MEI1: variants seen among roughly 807,000 people sequenced by gnomAD.
The protein encoded by MEI1 is meiosis inhibitor protein 1.
MEI1 carries 103 observed loss-of-function variants against 146.2 expected under a neutral mutation model. That is an observed-to-expected ratio of 0.70 (90% confidence interval 0.60 to 0.83). The LOEUF (loss-of-function observed/expected upper bound fraction) is 0.83, where lower values mean the gene tolerates loss of function less well. MEI1 is among the 40% of genes least tolerant of loss of function. The pLI, the probability that MEI1 is intolerant of heterozygous loss-of-function variation, is 0.00. For synonymous variants in MEI1, 652 were observed against 628.2 expected (o/e 1.04, Z -0.57); for missense variants, 1,529 against 1,533.0 (o/e 1.00, Z 0.04).
intron 11 of MEI1, among the ~76,000 whole-genome samples, chr22:41,737,151 A>C (rs574202504): frequency 6.6e-6 from 1 of 152,276 alleles, no homozygotes; most frequent in Admixed American, 6.5e-5. Context: ...CGTTTTTCTT[A>C]TCATTCAAGT....
intron 15 of MEI1, among the ~76,000 whole-genome samples, chr22:41,750,573 T>G (rs1190447874): frequency 6.6e-6 from 1 of 151,860 alleles, no homozygotes; most frequent in African/African-American, 2.4e-5. Flanking sequence ...AGGTGAGAAA[T>G]GGGGGTGTGA....
intron 1 of MEI1, among the ~76,000 whole-genome samples, chr22:41,701,907 G>C (rs1429745828): frequency 1.3e-5 from 2 of 152,196 alleles, no homozygotes; most frequent in African/African-American, 4.8e-5. Context: ...TGAAGGGAAA[G>C]TGAAAGAGAT....
At chr22:41,793,433 C>CT (rs2076261778) in intron 26 of MEI1, among the ~76,000 whole-genome samples, 1 of 152,182 alleles carries the variant, frequency 6.6e-6, no homozygotes. Context: ...TCCTCAGTAG[C>CT]TGGGACTACA....
intron 3 of MEI1, 140 bp downstream of exon 3, chr22:41,705,694 A>T (rs111861246): frequency 7.5e-6 from 5 of 668,370 alleles, no homozygotes; most frequent in Non-Finnish European, 1.3e-5. Context: ...CACTAATTCA[A>T]CATTTGTTTT....
chr22:41,793,394 C>T (rs563352878), intron 26 of MEI1, among the ~76,000 whole-genome samples: 10 of 152,148 alleles, frequency 6.6e-5, no homozygotes, highest in African/African-American at 2.4e-4. Context: ...CTCCGCCTCC[C>T]GGGTTCAATC....
rs371237631 is a variant in MEI1 at position 41,709,909 on chromosome 22, A to G, written c.350-4093A>G. ...TGGAAGCATTCTTTCCTTAGGAACT[A>G]AGATCTTTAGCAGAGCCCAAAGTTG... On this transcript the variant is annotated intron_variant, in intron 3 of 30. Transcript: ENST00000401548. Among the ~76,000 whole-genome samples the G allele has an allele frequency of 1.6e-4, 24 of 152,232 alleles. No homozygotes were observed. The East Asian group carries it at 2.5e-3, about 16-fold the overall frequency.
rs2074618437 is a variant in MEI1 at position 41,763,224 on chromosome 22, C to CG, written c.2172dup (p.Leu725AlafsTer32). 4 of 1,613,780 alleles carry CG rather than the reference C, an allele frequency of 2.5e-6. No individual in the cohort carries two copies. The stretch of plus-strand genomic sequence containing the variant: ...GAGGCTGTGCAAAGCTTCCTCCTGT[C>CG]GCTGCAGGACCAGGGCGAGCGCCCC... On this transcript the variant is annotated frameshift_variant, in exon 19 of 31. Coordinates refer to ENST00000401548, the MANE Select transcript of MEI1 (RefSeq NM_152513.4). LOFTEE classifies it high-confidence loss of function.
At chr22:41,725,877 G>A (rs1220731941) in intron 7 of MEI1, among the ~76,000 whole-genome samples, 3 of 152,190 alleles carry the variant, frequency 2.0e-5, no homozygotes, top group East Asian at 1.9e-4. Flanking sequence ...CCCAGTGCTC[G>A]GCACGGGGGC....
At chr22:41,722,010 C>T (rs997587002) in intron 6 of MEI1, 10 of 144,348 alleles carry the variant, frequency 6.9e-5, no homozygotes, top group African/African-American at 2.5e-4. Flanking sequence ...TGAGCCACCG[C>T]GGCCAGCCTC....
chr22:41,723,021 T>G (rs2071003842), intron 6 of MEI1, among the ~76,000 whole-genome samples: 1 of 152,222 alleles, frequency 6.6e-6, no homozygotes, highest in African/African-American at 2.4e-5. Flanking sequence ...AATGTTGTTC[T>G]CTGTATCTGG....
chr22:41,711,978 G>C (rs894084725), intron 3 of MEI1, among the ~76,000 whole-genome samples: 2 of 151,628 alleles, frequency 1.3e-5, no homozygotes, highest in Non-Finnish European at 2.9e-5. Flanking sequence ...AAGGCGGGCG[G>C]ATCACCTGAG....
chr22:41,777,696 A>G (rs1484830867), intron 21 of MEI1, among the ~76,000 whole-genome samples: 4 of 152,192 alleles, frequency 2.6e-5, no homozygotes, highest in Non-Finnish European at 5.9e-5. Flanking sequence ...TGGGTGACTT[A>G]TAAACAACAG....
intron 26 of MEI1, among the ~76,000 whole-genome samples, chr22:41,785,922 T>TTTC: frequency 1.4e-5 from 2 of 141,832 alleles, no homozygotes; most frequent in Admixed American, 7.4e-5. Flanking sequence ...TTTATTTTTT[T>TTTC]TTTTTTGAGA....
Position 41,715,486 on chromosome 22 carries a change from C to T in MEI1, c.424-555C>T, listed in dbSNP as rs1249208803. ...TCTTGGCTCACTGCAAGCTCCGCCT[C>T]CCGGGTTCACGCCATTCTCCTGCCT... On this transcript the variant is annotated intron_variant, in intron 4 of 30. Coordinates refer to ENST00000401548, the MANE Select transcript of MEI1 (RefSeq NM_152513.4). Among the ~76,000 whole-genome samples the T allele has an allele frequency of 2.0e-5, 3 of 151,638 alleles. No homozygotes were observed. The East Asian group carries it at 5.8e-4, about 29-fold the overall frequency.
chr22:41,780,735 C>A (rs1314671311), intron 22 of MEI1, among the ~76,000 whole-genome samples: 1 of 152,038 alleles, frequency 6.6e-6, no homozygotes, highest in Non-Finnish European at 1.5e-5. Context: ...TGTGTGCCAC[C>A]ATGCCCAGCT....
At chr22:41,700,074 C>CTCAGGCTCCCGCCATT (rs1569127707) in intron 1 of MEI1, among the ~76,000 whole-genome samples, 1 of 152,218 alleles carries the variant, frequency 6.6e-6, no homozygotes. Flanking sequence ...TCGGCCTTAG[C>CTCAGGCTCCCGCCATT]TCAGGCTCCC....
Position 41,709,615 on chromosome 22 carries a change from C to CT in MEI1, c.349+4070dup, listed in dbSNP as rs367897397. ...AGGTCTGAATCTTCAGTGGCTCTTC[C>CT]TTTTTTTTTGGTTGCTGATGTTTTT... is the stretch of plus-strand genomic sequence containing the variant. On this transcript the variant is annotated intron_variant, in intron 3 of 30. Coordinates refer to ENST00000401548, the MANE Select transcript of MEI1 (RefSeq NM_152513.4). The CT allele has an allele frequency of 1.3e-3, 502 of 384,328 alleles. 3 individuals are homozygous for CT. The highest frequency in any genetic ancestry group is 4.9e-3 in the African/African-American group (228 of 46,766). 23.8% of individuals were successfully genotyped at this position (384,328 alleles called of 1,614,324 possible). A position where few individuals can be genotyped will look rare whatever the true frequency, so the allele number is the denominator to read the frequency against.
At chr22:41,731,842 C>G (rs1293513102) in intron 9 of MEI1, among the ~76,000 whole-genome samples, 1 of 152,114 alleles carries the variant, frequency 6.6e-6, no homozygotes, top group Non-Finnish European at 1.5e-5. Flanking sequence ...TAGAGCTCTG[C>G]TAGAGGGAAG....
intron 15 of MEI1, among the ~76,000 whole-genome samples, chr22:41,752,006 G>A (rs1387246538): frequency 1.3e-5 from 2 of 151,866 alleles, no homozygotes; most frequent in Non-Finnish European, 2.9e-5. Flanking sequence ...GGAGGTGGAG[G>A]TTGCAGTGAG....
Sources: gnomAD v4.1 joint callset for allele counts (sites outside exome capture counted in the v4.1 genomes callset) on GRCh38, gnomAD v4.1.1 for gene constraint, MANE v1.5 for transcripts, NCBI Gene and HGNC (gene_info 2026-07-23, HGNC 2026-07-21) for gene names.